URI1: variants seen among roughly 807,000 people sequenced by gnomAD.
URI1 encodes the protein URI1 prefoldin like chaperone.
Under a neutral mutation model 60.2 loss-of-function variants are expected in URI1, and 39 were observed. That is an observed-to-expected ratio of 0.65 (90% CI 0.50 to 0.85). The LOEUF (loss-of-function observed/expected upper bound fraction) is 0.85. Among genes scored for constraint, URI1 ranks in the 40% least tolerant of loss-of-function variants. URI1 has a pLI of 0.00. For synonymous variants in URI1, 251 were observed against 236.8 expected (o/e 1.06, Z -0.55); for missense variants, 691 against 665.9 (o/e 1.04, Z -0.42).
chr19:29,968,707 G>A lies in URI1; in HGVS notation c.118-2486G>A, dbSNP rs141071062. ...CTACCTCAGCCTCCCGAGTAGCCAG[G>A]ACTACAGGCACCTGCCACCATGCCC... On this transcript the variant is annotated intron_variant, in intron 1 of 10. Coordinates refer to ENST00000392271, the MANE Select transcript of URI1 (RefSeq NM_003796.3). Among the ~76,000 whole-genome samples the A allele has an allele frequency of 6.7e-3, 1,002 of 150,522 alleles. 10 individuals carry two copies. The highest frequency in any genetic ancestry group is 0.023 in the African/African-American group (950 of 41,052).
chr19:29,995,568 T>C (rs1247630557), intron 4 of URI1, among the ~76,000 whole-genome samples: 1 of 151,078 alleles, frequency 6.6e-6, no homozygotes, highest in Non-Finnish European at 1.5e-5. Flanking sequence ...AAAAAATAGC[T>C]GCCAGGTAGA....
chr19:29,943,066 T>C (rs1172411067), intron 1 of URI1, among the ~76,000 whole-genome samples: 1 of 152,220 alleles, frequency 6.6e-6, no homozygotes, highest in Non-Finnish European at 1.5e-5. Context: ...TGATAATGCT[T>C]CCTGTGCAAT....
At chr19:29,944,536 G>T (rs2055079935) in intron 1 of URI1, among the ~76,000 whole-genome samples, 1 of 152,060 alleles carries the variant, frequency 6.6e-6, no homozygotes, top group African/African-American at 2.4e-5. Context: ...ACTTTTTGGG[G>T]TGCTCTGAAC....
At chr19:29,966,090 A>G (rs1189792974) in intron 1 of URI1, among the ~76,000 whole-genome samples, 1 of 152,242 alleles carries the variant, frequency 6.6e-6, no homozygotes, top group Non-Finnish European at 1.5e-5. Context: ...TATTTGGAAC[A>G]TAATTTGTTT....
At chr19:30,007,079 T>C (rs1226452140) in intron 6 of URI1, among the ~76,000 whole-genome samples, 1 of 152,110 alleles carries the variant, frequency 6.6e-6, no homozygotes, top group African/African-American at 2.4e-5. Context: ...TGGAAATTTA[T>C]CATTTATGTG....
At chr19:29,994,855 C>T (rs779281761) in intron 4 of URI1, among the ~76,000 whole-genome samples, 26 of 151,022 alleles carry the variant, frequency 1.7e-4, no homozygotes, top group Non-Finnish European at 2.9e-4. Flanking sequence ...AATCTTGGCT[C>T]ACTGCAGCCT....
chr19:29,969,265 A>G (rs1408694600), intron 1 of URI1, among the ~76,000 whole-genome samples: 1 of 152,162 alleles, frequency 6.6e-6, no homozygotes, highest in Admixed American at 6.5e-5. Context: ...TCCTAGGGAG[A>G]CTGTTTAAGG....
chr19:29,992,172 T>G (rs145868117), intron 4 of URI1, among the ~76,000 whole-genome samples: 1 of 152,142 alleles, frequency 6.6e-6, no homozygotes, highest in African/African-American at 2.4e-5. Context: ...CAAGTTCAAG[T>G]GGTTCTCCCG....
At chr19:29,960,979 T>C (rs990539683) in intron 1 of URI1, among the ~76,000 whole-genome samples, 17 of 151,948 alleles carry the variant, frequency 1.1e-4, no homozygotes, top group African/African-American at 4.1e-4. Context: ...GTCTCCTGAG[T>C]AGCTGGGACT....
intron 1 of URI1, among the ~76,000 whole-genome samples, chr19:29,961,920 G>T (rs1461010312): frequency 1.3e-5 from 2 of 151,972 alleles, no homozygotes; most frequent in Non-Finnish European, 2.9e-5. Context: ...CCTGACCTCG[G>T]GTGATCCACC....
intron 1 of URI1, among the ~76,000 whole-genome samples, chr19:29,960,237 G>C (rs1024148547): frequency 1.3e-5 from 2 of 151,616 alleles, no homozygotes; most frequent in African/African-American, 4.9e-5. Flanking sequence ...TAATTTACTT[G>C]GAAAAAAATG....
At chr19:29,927,534 T>G (rs1177634703) in intron 1 of URI1, among the ~76,000 whole-genome samples, 4 of 146,082 alleles carry the variant, frequency 2.7e-5, no homozygotes, top group Non-Finnish European at 3.0e-5. Context: ...AGTACTGGGA[T>G]TACAAGCATG....
chr19:29,936,208 A>T (rs2054971052), intron 1 of URI1, among the ~76,000 whole-genome samples: 1 of 152,072 alleles, frequency 6.6e-6, no homozygotes, highest in South Asian at 2.1e-4. Context: ...GGTTCAAGCA[A>T]TTCTCCAGCC....
rs145868117 is a variant in URI1, at chr19:29,992,172, T to C, written c.367+5755T>C. ...GCAACCTCCACCTCCCAAGTTCAAG[T>C]GGTTCTCCCGCCTCAGCCTCCCGAG... On this transcript the variant is annotated intron_variant, in intron 4 of 10. Transcript: ENST00000392271. Among the ~76,000 whole-genome samples, 578 of 152,258 alleles carry C rather than the reference T, an allele frequency of 3.8e-3. 1 individual carries two copies. The highest frequency in any genetic ancestry group is 0.013 in the African/African-American group (525 of 41,554).
chr19:29,926,095 CTCTT>C (rs746611361), intron 1 of URI1, among the ~76,000 whole-genome samples: 2 of 151,722 alleles, frequency 1.3e-5, no homozygotes, highest in South Asian at 2.1e-4. Context: ...TCCTCTTTCT[CTCTT>C]TCTTTCTGTT....
At chr19:29,991,481 T>C (rs1255954956) in intron 4 of URI1, among the ~76,000 whole-genome samples, 3 of 152,242 alleles carry the variant, frequency 2.0e-5, no homozygotes, top group Non-Finnish European at 2.9e-5. Context: ...CCACATTTGT[T>C]CTCTGAACTT....
At chr19:29,952,422 C>T (rs1266469808) in intron 1 of URI1, among the ~76,000 whole-genome samples, 3 of 152,194 alleles carry the variant, frequency 2.0e-5, no homozygotes, top group African/African-American at 7.2e-5. Flanking sequence ...TGTTCACTCA[C>T]GGATTCTTAA....
intron 2 of URI1, among the ~76,000 whole-genome samples, chr19:29,974,522 A>C (rs1387280898): frequency 2.0e-5 from 3 of 151,980 alleles, no homozygotes; most frequent in African/African-American, 4.8e-5. Flanking sequence ...ATAATCATCA[A>C]CTCATGATTT....
rs1487013891 is a variant in URI1 at position 29,944,165 on chromosome 19, A to ATT, written c.117+1502_117+1503insTT. Among the ~76,000 whole-genome samples, 10 of 71,798 alleles carry ATT rather than the reference A, an allele frequency of 1.4e-4. 1 individual carries two copies. The highest frequency in any genetic ancestry group is 6.4e-4 in the African/African-American group (9 of 13,956). The allele number at this position is 71,798 out of a possible 152,430, so 47.1% of individuals were successfully genotyped here. Reference sequence around the variant, plus strand: ...CATATATATATATATATATATATATATATATATATATATATATATATATAT... The same window carrying ATT: ...CATATATATATATATATATATATATATTTATATATATATATATATATATATAT... On this transcript the variant is annotated intron_variant, in intron 1 of 10. Transcript: ENST00000392271.
Sources: allele counts gnomAD v4.1 joint callset (sites outside exome capture counted in the v4.1 genomes callset), GRCh38; gene constraint gnomAD v4.1.1; transcripts MANE v1.5; gene names NCBI Gene and HGNC (gene_info 2026-07-23, HGNC 2026-07-21).